NPTN: variants seen among roughly 807,000 people sequenced by gnomAD.
NPTN encodes SDR-1.
Under a neutral mutation model 42.7 loss-of-function variants are expected in NPTN, and 5 were observed. That is an observed-to-expected ratio of 0.12 (90% confidence interval 0.06 to 0.25). NPTN has a LOEUF of 0.25. Among genes scored for constraint, NPTN ranks in the 10% least tolerant of loss-of-function variants. The pLI, the probability that NPTN is intolerant of heterozygous loss-of-function variation, is 1.00. For synonymous variants in NPTN, 180 were observed against 201.9 expected (o/e 0.89, Z 0.92); for missense variants, 307 against 525.4 (o/e 0.58, Z 4.06).
At chr15:73,577,322 C>G (rs905997961) in intron 4 of NPTN, among the ~76,000 whole-genome samples, 30 of 152,140 alleles carry the variant, frequency 2.0e-4, no homozygotes, top group Non-Finnish European at 3.5e-4. Flanking sequence ...CCAGAGTGAT[C>G]TACGGCCTTT....
intron 1 of NPTN, among the ~76,000 whole-genome samples, chr15:73,626,934 A>C (rs1898446904): frequency 6.6e-6 from 1 of 152,156 alleles, no homozygotes; most frequent in Admixed American, 6.5e-5. Context: ...AGAGAAGGAT[A>C]TCCAAATTGG....
chr15:73,574,313 CA>C (rs1895568010), intron 4 of NPTN, among the ~76,000 whole-genome samples: 1 of 152,270 alleles, frequency 6.6e-6, no homozygotes, highest in East Asian at 1.9e-4. Flanking sequence ...CAATAAGTAA[CA>C]ATGACCAAGG....
At chr15:73,617,860 T>C (rs936014744) in intron 1 of NPTN, among the ~76,000 whole-genome samples, 2 of 152,228 alleles carry the variant, frequency 1.3e-5, no homozygotes, top group Non-Finnish European at 1.5e-5. Context: ...CAGCAAGAAC[T>C]ACTACTTTAT....
intron 4 of NPTN, among the ~76,000 whole-genome samples, chr15:73,576,123 A>C (rs538244032): frequency 3.0e-4 from 46 of 152,248 alleles, no homozygotes; most frequent in Admixed American, 1.3e-4. Flanking sequence ...CCATAGCCAC[A>C]CAGGACCCAG....
At position 73,563,381 on chromosome 15, in the gene NPTN, C is replaced by T. The variant is rs941299954; in HGVS notation, c.1115-124G>A. 1.5e-5 allele frequency: 23 copies of T among 1,502,042 alleles called. 1 individual carries two copies. The Admixed American group carries it at 3.4e-4, about 22-fold the overall frequency. 93.0% of individuals were successfully genotyped at this position (1,502,042 alleles called of 1,614,324 possible). A position where few individuals can be genotyped will look rare whatever the true frequency, so the allele number is the denominator to read the frequency against. On this transcript the variant is annotated intron_variant, in intron 6 of 8. Transcript: ENST00000345330. ...AAGTGGCAATCATGGCTACTCACAG[C>T]ATTTATTAAAGGCCATTCCATCTGG...
At chr15:73,591,206 T>C (rs1041508493) in intron 3 of NPTN, among the ~76,000 whole-genome samples, 5 of 152,222 alleles carry the variant, frequency 3.3e-5, no homozygotes, top group Non-Finnish European at 7.3e-5. Context: ...CAGAATGCCC[T>C]TGCTATCACT....
chr15:73,599,854 CG>C (rs200958933), intron 1 of NPTN, among the ~76,000 whole-genome samples: 2,385 of 152,186 alleles, frequency 0.016, 35 homozygotes, highest in Admixed American at 0.023. Flanking sequence ...CTCTCAAATG[CG>C]GTAATTATGT....
At chr15:73,566,942 T>C (rs1895047964) in intron 6 of NPTN, 1 of 813,050 alleles carries the variant, frequency 1.2e-6, no homozygotes, top group African/African-American at 1.9e-5. Flanking sequence ...TGCAGGTGGG[T>C]GTTTTCATGT....
Position 73,597,182 on chromosome 15 carries a change from G to A in NPTN, c.279C>T (p.Tyr93=), listed in dbSNP as rs1465087866. 5 of 1,614,146 alleles carry A rather than the reference G, an allele frequency of 3.1e-6. No homozygotes were observed. Among genetic ancestry groups the A allele is most frequent in the Non-Finnish European group, 3.4e-6 (4 of 1,180,022 alleles). ...TCAGCACACTCACGCCGTTTGACCCGTAGGCGGTGTTTACGGTGACACGGC... is the reference window on the plus strand; with the variant it reads ...TCAGCACACTCACGCCGTTTGACCCATAGGCGGTGTTTACGGTGACACGGC... The part of the protein sequence containing the change: ...RKRRVTVNTA[Y]GSNGVSVLRI... The change falls in exon 2 of 9, where the codon TAC becomes TAT. Residue 93 remains tyrosine, a synonymous_variant. Coordinates refer to ENST00000345330, the MANE Select transcript of NPTN (RefSeq NM_012428.4). The surrounding 1 kb of genome is among the most constrained non-coding windows in gnomAD (Gnocchi z 6.3).
chr15:73,595,468 C>T (rs948784753), intron 2 of NPTN, among the ~76,000 whole-genome samples: 1 of 152,142 alleles, frequency 6.6e-6, no homozygotes, highest in African/African-American at 2.4e-5. Context: ...CTACCACTGC[C>T]CTACAAAGGA....
intron 4 of NPTN, among the ~76,000 whole-genome samples, chr15:73,575,546 C>A (rs192986660): frequency 1.3e-5 from 2 of 152,364 alleles, no homozygotes; most frequent in African/African-American, 4.8e-5. Flanking sequence ...TTATTCTGGG[C>A]TTTGCTGCTA....
intron 1 of NPTN, among the ~76,000 whole-genome samples, chr15:73,631,065 T>C (rs1898712626): frequency 6.6e-6 from 1 of 152,212 alleles, no homozygotes; most frequent in Non-Finnish European, 1.5e-5. Flanking sequence ...CACATATCAC[T>C]GAGCAGACAG....
chr15:73,599,634 AAAG>A (rs1896995018), intron 1 of NPTN: 1 of 149,662 alleles, frequency 6.7e-6, no homozygotes, highest in African/African-American at 2.5e-5. Context: ...AGAAAGAAAG[AAAG>A]AAAGAAAAGG....
intron 1 of NPTN, among the ~76,000 whole-genome samples, chr15:73,629,914 T>C (rs995543934): frequency 6.6e-6 from 1 of 152,090 alleles, no homozygotes; most frequent in African/African-American, 2.4e-5. Flanking sequence ...TCACCAGAAT[T>C]GGCAATTGCA....
intron 2 of NPTN, among the ~76,000 whole-genome samples, chr15:73,594,843 T>C (rs1388579653): frequency 1.3e-5 from 2 of 151,970 alleles, no homozygotes. Flanking sequence ...GGGAAAGTAC[T>C]ACCAGGAGGT....
intron 6 of NPTN, chr15:73,566,938 T>C (rs754582769): frequency 6.4e-6 from 5 of 779,716 alleles, no homozygotes; most frequent in Non-Finnish European, 7.8e-6. Context: ...GGAATGCAGG[T>C]GGGTGTTTTC....
chr15:73,593,964 C>T (rs1200161946), intron 2 of NPTN, among the ~76,000 whole-genome samples: 2 of 152,124 alleles, frequency 1.3e-5, no homozygotes, highest in Admixed American at 6.5e-5. Context: ...TCGAGCAGAA[C>T]GGCTGCAAAC....
chr15:73,565,169 A>C (rs534341803), intron 6 of NPTN, among the ~76,000 whole-genome samples: 11 of 152,336 alleles, frequency 7.2e-5, no homozygotes, highest in African/African-American at 2.2e-4. Context: ...GAGATTCACA[A>C]GGGGGCAAAA....
At chr15:73,567,988 A>C (rs1312165526) in intron 6 of NPTN, 1 of 985,352 alleles carries the variant, frequency 1.0e-6, no homozygotes, top group East Asian at 1.1e-4. Context: ...TTCACTGTCT[A>C]TAATAACTTA....
Sources: gnomAD v4.1 joint callset for allele counts (sites outside exome capture counted in the v4.1 genomes callset) on GRCh38, gnomAD v4.1.1 for gene constraint, Gnocchi (gnomAD v3.1) non-coding constraint, MANE v1.5 for transcripts, NCBI Gene and HGNC (gene_info 2026-07-23, HGNC 2026-07-21) for gene names.